The following PHYHIPL variants were observed in gnomAD, a reference collection of about 807,000 sequenced individuals.
PHYHIPL encodes phytanoyl-CoA hydroxylase-interacting protein-like.
A neutral mutation model predicts 33.4 loss-of-function variants in PHYHIPL; 9 were observed. The observed-to-expected ratio is 0.27, with a 90% confidence interval of 0.16 to 0.47. The LOEUF is 0.47. Ranked by LOEUF, PHYHIPL falls within the 20% of genes least tolerant of loss-of-function variation. The pLI, the probability that PHYHIPL is intolerant of heterozygous loss-of-function variation, is 0.99. For synonymous variants in PHYHIPL, 153 were observed against 154.1 expected (o/e 0.99, Z 0.05); for missense variants, 365 against 460.7 (o/e 0.79, Z 1.90).
At chr10:59,194,672 T>A (rs1838863773) in intron 1 of PHYHIPL, among the ~76,000 whole-genome samples, 1 of 152,216 alleles carries the variant, frequency 6.6e-6, no homozygotes, top group Non-Finnish European at 1.5e-5. Context: ...CAGAAGGATT[T>A]GACAAAAAGG....
chr10:59,196,652 T>G (rs1838928498), intron 1 of PHYHIPL, among the ~76,000 whole-genome samples: 2 of 152,088 alleles, frequency 1.3e-5, no homozygotes, highest in Admixed American at 6.6e-5. Context: ...TCTCCTGACC[T>G]TGTGATCCGT....
chr10:59,199,224 A>G (rs1046160193), intron 1 of PHYHIPL, among the ~76,000 whole-genome samples: 1 of 152,086 alleles, frequency 6.6e-6, no homozygotes, highest in African/African-American at 2.4e-5. Flanking sequence ...ATCTTGAACT[A>G]ATTTTTATAT....
chr10:59,184,963 TACAAAG>T (rs1288739871), intron 1 of PHYHIPL, among the ~76,000 whole-genome samples: 1 of 150,176 alleles, frequency 6.7e-6, no homozygotes, highest in African/African-American at 2.4e-5. Context: ...TCCATGTGCC[TACAAAG>T]GACATGAACT....
chr10:59,195,882 A>G (rs117839331), intron 1 of PHYHIPL, among the ~76,000 whole-genome samples: 2,017 of 152,302 alleles, frequency 0.013, 19 homozygotes, highest in Middle Eastern at 0.031. Context: ...TAGATAATCA[A>G]TTGGACCATG....
At chr10:59,198,054 T>G (rs1348817088) in intron 1 of PHYHIPL, among the ~76,000 whole-genome samples, 1 of 149,082 alleles carries the variant, frequency 6.7e-6, no homozygotes, top group Non-Finnish European at 1.5e-5. Context: ...AGCAGTAATC[T>G]TTTTTTATTA....
At chr10:59,241,630 G>C (rs920854761) in intron 4 of PHYHIPL, among the ~76,000 whole-genome samples, 5 of 152,054 alleles carry the variant, frequency 3.3e-5, no homozygotes, top group Non-Finnish European at 5.9e-5. Flanking sequence ...ATATGTTGCT[G>C]TTATTATTTC....
intron 3 of PHYHIPL, 81 bp from the exon 4 acceptor site, chr10:59,238,507 A>G: frequency 1.4e-6 from 1 of 722,360 alleles, no homozygotes; most frequent in Non-Finnish European, 2.3e-6. Flanking sequence ...GGTGAATTTT[A>G]ATAATCTTCA....
intron 1 of PHYHIPL, among the ~76,000 whole-genome samples, chr10:59,200,736 C>A (rs1040216533): frequency 6.6e-6 from 1 of 152,098 alleles, no homozygotes; most frequent in African/African-American, 2.4e-5. Flanking sequence ...AATTTCAGAG[C>A]CTGTTATTGG....
intron 1 of PHYHIPL, among the ~76,000 whole-genome samples, chr10:59,187,894 T>C (rs1469339422): frequency 1.3e-5 from 2 of 152,234 alleles, no homozygotes; most frequent in African/African-American, 4.8e-5. Context: ...CTATCCATTT[T>C]GTTGATCTTT....
chr10:59,185,293 C>T (rs1204110237), intron 1 of PHYHIPL, among the ~76,000 whole-genome samples: 1 of 152,122 alleles, frequency 6.6e-6, no homozygotes, highest in Admixed American at 6.5e-5. Context: ...CCCGGCCGAA[C>T]TCATCATTTT....
At chr10:59,175,814 T>C (rs949219645), upstream of PHYHIPL, among the ~76,000 whole-genome samples, 1 of 152,224 alleles carries the variant, frequency 6.6e-6, no homozygotes, top group Admixed American at 6.5e-5. Flanking sequence ...CTCCCTTCAT[T>C]GACGCCCAGA....
chr10:59,235,597 TC>T (rs886168846), intron 2 of PHYHIPL, among the ~76,000 whole-genome samples: 16 of 151,898 alleles, frequency 1.1e-4, no homozygotes, highest in African/African-American at 3.1e-4. Flanking sequence ...CATTATTTTT[TC>T]TGAGTTCCAG....
At chr10:59,230,389 A>C (rs577643068) in intron 1 of PHYHIPL, among the ~76,000 whole-genome samples, 1 of 151,540 alleles carries the variant, frequency 6.6e-6, no homozygotes, top group African/African-American at 2.4e-5. Flanking sequence ...AATTTTTTGC[A>C]CTTCTTGTAG....
In PHYHIPL at chr10:59,246,716, G is replaced by A. The variant is rs1783452869; in HGVS notation, c.*1125G>A. The A allele has an allele frequency of 2.5e-6, 1 of 397,206 alleles. No individual in the cohort carries two copies. Among genetic ancestry groups the A allele is most frequent in the Admixed American group, 4.4e-5 (1 of 22,706 alleles). 24.6% of individuals were successfully genotyped at this position (397,206 alleles called of 1,614,324 possible). ...AAGGATGAATAACTACAGCTCATGG[G>A]AAATGTTTTGACTTTACAAAGTATA... On this transcript the variant is annotated 3_prime_UTR_variant, in exon 5 of 5. Transcript: ENST00000373880.
intron 1 of PHYHIPL, among the ~76,000 whole-genome samples, chr10:59,218,990 G>A (rs1030800185): frequency 1.3e-5 from 2 of 151,974 alleles, no homozygotes; most frequent in Non-Finnish European, 2.9e-5. Flanking sequence ...GAGAGCAGTG[G>A]CACAATCTCG....
chr10:59,240,814 TTAGA>T (rs1172228533), intron 4 of PHYHIPL, among the ~76,000 whole-genome samples: 2 of 152,100 alleles, frequency 1.3e-5, no homozygotes, highest in African/African-American at 4.8e-5. Context: ...TCTCTGTCCC[TTAGA>T]TGGGAACTGG....
At chr10:59,180,314 GTATATA>G (rs35898292) in intron 1 of PHYHIPL, among the ~76,000 whole-genome samples, 3,261 of 85,592 alleles carry the variant, frequency 0.038, 108 homozygotes, top group African/African-American at 0.054. Flanking sequence ...TATAGAAAAA[GTATATA>G]TATATATATA....
intron 1 of PHYHIPL, among the ~76,000 whole-genome samples, chr10:59,193,340 G>A (rs551882875): frequency 6.6e-6 from 1 of 152,234 alleles, no homozygotes; most frequent in South Asian, 2.1e-4. Flanking sequence ...TGTGCTTACT[G>A]TAGAAATACA....
At chr10:59,244,854 C>T (rs939358680) in intron 4 of PHYHIPL, among the ~76,000 whole-genome samples, 16 of 152,146 alleles carry the variant, frequency 1.1e-4, no homozygotes, top group Non-Finnish European at 1.9e-4. Context: ...AGGCTTGTAG[C>T]AGCTCATCCT....
Sources: gnomAD v4.1 joint callset for allele counts (sites outside exome capture counted in the v4.1 genomes callset) on GRCh38, gnomAD v4.1.1 for gene constraint, MANE v1.5 for transcripts, NCBI Gene and HGNC (gene_info 2026-07-23, HGNC 2026-07-21) for gene names.